The following EHBP1L1 variants were observed in gnomAD, a reference collection of about 807,000 sequenced individuals.
EHBP1L1 encodes the protein EH domain-binding protein 1-like protein 1.
In EHBP1L1, 122 loss-of-function variants were observed where a neutral mutation model predicts 151.1. That is an observed-to-expected ratio of 0.81 (90% CI 0.70 to 0.94). The LOEUF is 0.94. EHBP1L1 is among the 40% of genes least tolerant of loss of function. The pLI is 0.00. For missense variants in EHBP1L1, 1,941 were observed against 1,959.8 expected, an observed-to-expected ratio of 0.99 and a Z score of 0.18; for synonymous variants, 878 against 810.1, an observed-to-expected ratio of 1.08 and a Z score of -1.42.
chr11:65,585,213 C>G lies in EHBP1L1; in HGVS notation c.3555C>G (p.His1185Gln). 8.6e-7 allele frequency: 1 copy of G among 1,158,278 alleles called. No homozygotes were observed. The allele number at this position is 1,158,278 out of a possible 1,614,324, so 71.8% of individuals were successfully genotyped here. A position where few individuals can be genotyped will look rare whatever the true frequency, so the allele number is the denominator to read the frequency against. Reference protein sequence around the residue: ...AGGLAQRLRGHGAEGPQEPKE... With the variant: ...AGGLAQRLRGQGAEGPQEPKE... ...GCCTGGCGCAGCGGCTGCGCGGTCA[C>G]GGGGCCGAGGGGCCCCAGGAGCCCA... The change falls in exon 12 of 19, where the codon CAC becomes CAG. Residue 1185 changes from histidine (H) to glutamine (Q), a missense_variant. Transcript: ENST00000309295. The surrounding 1 kb of genome is among the most constrained non-coding windows in gnomAD (Gnocchi z 4.0).
At chr11:65,584,872 G>A in intron 11 of EHBP1L1, 87 bp from the exon 12 acceptor site, 5 of 1,481,260 alleles carry the variant, frequency 3.4e-6, no homozygotes, top group East Asian at 2.5e-5. Context: ...GCCAATCCCG[G>A]GGACCCCCTC....
At chr11:65,589,702 A>ACCCAC in intron 12 of EHBP1L1, 49 bp from the exon 13 acceptor site, 1 of 1,486,278 alleles carries the variant, frequency 6.7e-7, no homozygotes, top group Non-Finnish European at 8.9e-7. Context: ...CCCCAGGCCC[A>ACCCAC]GGCTGGTGGG....
At position 65,580,786 on chromosome 11, in the gene EHBP1L1, C is replaced by T. The variant is rs145803554; in HGVS notation, c.635-272C>T. ...GGACAGCTGGGTCAGAAGCCCGGCT[C>T]CTGATCCCTCACCACCAGCCCTCCT... On this transcript the variant is annotated intron_variant, in intron 6 of 18. Transcript: ENST00000309295. 1,149 of 794,220 alleles carry T rather than the reference C, an allele frequency of 1.4e-3. 10 individuals are homozygous for T. The African/African-American group carries it at 0.017, about 12-fold the overall frequency. The allele number at this position is 794,220 out of a possible 1,614,324, so 49.2% of individuals were successfully genotyped here. A position where few individuals can be genotyped will look rare whatever the true frequency, so the allele number is the denominator to read the frequency against.
intron 12 of EHBP1L1, among the ~76,000 whole-genome samples, chr11:65,588,293 G>A (rs1858079265): frequency 6.6e-6 from 1 of 152,198 alleles, no homozygotes; most frequent in Non-Finnish European, 1.5e-5. Flanking sequence ...TTTGGGAACT[G>A]AAAGTCGGCC....
chr11:65,579,230 C>T (rs1857471258), intron 2 of EHBP1L1, 95 bp downstream of exon 2: 2 of 1,514,654 alleles, frequency 1.3e-6, no homozygotes, highest in Non-Finnish European at 1.8e-6. Flanking sequence ...GGTTCAAGCA[C>T]AGATCAGAAT....
At chr11:65,577,022 C>T (rs746841504) in intron 1 of EHBP1L1, among the ~76,000 whole-genome samples, 11 of 152,224 alleles carry the variant, frequency 7.2e-5, no homozygotes, top group Admixed American at 4.6e-4. Context: ...GTTGTGGGTC[C>T]GGGAGGAGAG....
intron 1 of EHBP1L1, among the ~76,000 whole-genome samples, chr11:65,578,533 C>G (rs1179430752): frequency 6.6e-6 from 1 of 152,168 alleles, no homozygotes; most frequent in Non-Finnish European, 1.5e-5. Flanking sequence ...ATTTATTTTC[C>G]TTCTTGACTG....
Position 65,590,146 on chromosome 11 carries a change from G to A in EHBP1L1, c.4119G>A (p.Glu1373=). 1.2e-6 allele frequency: 2 copies of A among 1,613,816 alleles called. No homozygotes were observed. Among genetic ancestry groups the A allele is most frequent in the Non-Finnish European group, 8.5e-7 (1 of 1,179,842 alleles). The change falls in exon 15 of 19, where the codon GAG becomes GAA. Residue 1373 remains glutamate (E), a synonymous_variant. Coordinates refer to ENST00000309295, the MANE Select transcript of EHBP1L1 (RefSeq NM_001099409.3). ...CAGAGCTGCAGGCCCTGGAACAGGA[G>A]CAGAGGCAGATAGATGGGCGGGCGG... ...VCAELQALEQ[E]QRQIDGRAAE... is the part of the protein sequence containing the mutation.
intron 16 of EHBP1L1, 131 bp downstream of exon 16, chr11:65,590,723 C>T (rs1858228030): frequency 1.2e-5 from 10 of 860,264 alleles, no homozygotes; most frequent in Non-Finnish European, 1.8e-5. Flanking sequence ...TGTTTTTGTC[C>T]TAAACAAATT....
intron 6 of EHBP1L1, 41 bp downstream of exon 6, chr11:65,580,520 TG>T (rs772697512): frequency 1.3e-6 from 2 of 1,592,982 alleles, no homozygotes; most frequent in East Asian, 4.5e-5. Context: ...TGCCAAGACC[TG>T]GGGAGGGAGG....
chr11:65,584,427 G>A (rs756505051), intron 10 of EHBP1L1, 29 bp downstream of exon 10: 7 of 1,613,434 alleles, frequency 4.3e-6, no homozygotes, highest in Non-Finnish European at 5.9e-6. Context: ...GGGAACGAAT[G>A]GGGGAGCCAT....
rs566492368 is a variant in EHBP1L1, at chr11:65,583,589, A to C, written c.2917A>C (p.Lys973Gln). ...TCCAGAGAACAAATCTGGTACTTTT[A>C]AGGCCCAGGAAGCGGAGGCTGGGGT... is the stretch of plus-strand genomic sequence containing the variant. Reference protein sequence around the residue: ...ESPENKSGTFKAQEAEAGVLG... With the variant: ...ESPENKSGTFQAQEAEAGVLG... The change falls in exon 9 of 19, where the codon AAG (lysine) becomes CAG (glutamine). Residue 973 changes from lysine to glutamine, a missense_variant. Transcript: ENST00000309295. The C allele has an allele frequency of 8.7e-6, 14 of 1,606,778 alleles. No homozygotes were observed. Among genetic ancestry groups the C allele is most frequent in the Non-Finnish European group, 1.2e-5 (14 of 1,175,468 alleles).
intron 12 of EHBP1L1, among the ~76,000 whole-genome samples, chr11:65,588,951 A>G (rs1211573681): frequency 1.3e-5 from 2 of 151,812 alleles, no homozygotes; most frequent in Admixed American, 6.6e-5. Flanking sequence ...ACAGAAGGGG[A>G]GGGAGCCTGG....
intron 4 of EHBP1L1, 28 bp from the exon 5 acceptor site, chr11:65,580,053 T>TTCTCCTGGTCTC: frequency 1.2e-6 from 2 of 1,612,928 alleles, no homozygotes. Flanking sequence ...CTGATGCCCC[T>TTCTCCTGGTCTC]TCTCCTGGTC....
Position 65,590,591 on chromosome 11 carries a change from C to G in EHBP1L1, c.4282C>G (p.Leu1428Val). The G allele has an allele frequency of 6.2e-7, 1 of 1,613,206 alleles. No homozygotes were observed. Among genetic ancestry groups the G allele is most frequent in the Non-Finnish European group, 8.5e-7 (1 of 1,179,736 alleles). The change falls in exon 16 of 19, where the codon CTC (leucine) becomes GTC (valine). Residue 1428 changes from leucine to valine, a missense_variant and splice_region_variant. Physicochemically the swap from Leu to Val is conservative, Grantham distance 32. Coordinates refer to ENST00000309295, the MANE Select transcript of EHBP1L1 (RefSeq NM_001099409.3). The part of the protein sequence containing the change: ...LIRRQDQLQL[L>V]MEEQDLERRF... The stretch of plus-strand genomic sequence containing the variant: ...CCGGAGGCAGGACCAGCTGCAGCTG[C>G]TGTGAGTGCTGGCCCCGGGCCAGGA...
chr11:65,582,486 T>C lies in EHBP1L1; in HGVS notation c.1814T>C (p.Leu605Ser), dbSNP rs765424689. The change falls in exon 9 of 19, where the codon TTG becomes TCG. Residue 605 changes from leucine to serine, a missense_variant. By Grantham distance (145) the Leu-to-Ser change is moderately radical. Coordinates refer to ENST00000309295, the MANE Select transcript of EHBP1L1 (RefSeq NM_001099409.3). ...ACTAGGACACTAGAAATTGAGATAT[T>C]GGGGGCCTTGGAGAAAGAAGCAGCA... Reference protein sequence around the residue: ...PETRTLEIEILGALEKEAARS... With the variant: ...PETRTLEIEISGALEKEAARS... The C allele has an allele frequency of 5.6e-6, 9 of 1,612,660 alleles. No homozygotes were observed. The highest frequency in any genetic ancestry group is 7.6e-6 in the Non-Finnish European group (9 of 1,179,774).
rs1191679340 is a variant in EHBP1L1, at chr11:65,589,790, C to T, written c.3973C>T (p.Pro1325Ser). Residue 1325 changes from proline to serine, a missense_variant, in exon 13 of 19, where the codon CCC becomes TCC. By Grantham distance (74) the Pro-to-Ser change is moderately conservative (BLOSUM62 -1). Coordinates refer to ENST00000309295, the MANE Select transcript of EHBP1L1 (RefSeq NM_001099409.3). Reference sequence around the variant, plus strand: ...TGACCCCAGCCCTGCCCCAGGCCCACCCACAGCTGCAGACTCTCAACAGCC... The same window carrying T: ...TGACCCCAGCCCTGCCCCAGGCCCATCCACAGCTGCAGACTCTCAACAGCC... ...APDPSPAPGP[P>S]TAADSQQPPG... 2.6e-6 allele frequency: 4 copies of T among 1,561,472 alleles called. No individual in the cohort carries two copies. In the South Asian group the frequency reaches 4.7e-5, roughly 18 times the overall value.
Position 65,585,021 on chromosome 11 carries a change from A to G in EHBP1L1, c.3363A>G (p.Leu1121=). ...SRLLEPADMV[L]LSVPDKLIVM... The stretch of plus-strand genomic sequence containing the variant: ...TGCTGGAGCCCGCGGACATGGTGCT[A>G]CTGTCGGTGCCCGACAAGCTCATCG... The change falls in exon 12 of 19, where the codon CTA becomes CTG. Residue 1121 remains leucine, a synonymous_variant. Transcript: ENST00000309295. This position sits in a 1 kb window ranked among gnomAD's most constrained non-coding sequence, Gnocchi z 4.0. The G allele has an allele frequency of 6.5e-7, 1 of 1,536,270 alleles. No homozygotes were observed.
intron 2 of EHBP1L1, 34 bp downstream of exon 2, chr11:65,579,169 G>T: frequency 6.4e-7 from 1 of 1,573,998 alleles, no homozygotes; most frequent in Admixed American, 1.8e-5. Context: ...ATCCAGGTTA[G>T]GGATGGGGGC....
Sources: gnomAD v4.1 joint callset for allele counts (sites outside exome capture counted in the v4.1 genomes callset) on GRCh38, gnomAD v4.1.1 for gene constraint, Gnocchi (gnomAD v3.1) non-coding constraint, MANE v1.5 for transcripts, NCBI Gene and HGNC (gene_info 2026-07-23, HGNC 2026-07-21) for gene names.